The following MUSK variants were observed in gnomAD, a reference collection of about 807,000 sequenced individuals.
MUSK encodes muscle, skeletal receptor tyrosine-protein kinase.
Under a neutral mutation model 88.7 loss-of-function variants are expected in MUSK, and 55 were observed. The ratio of observed to expected loss-of-function variants is 0.62; its 90% CI spans 0.50 to 0.78. The LOEUF (loss-of-function observed/expected upper bound fraction) is 0.78, where lower values mean the gene tolerates loss of function less well. MUSK is among the 30% of genes least tolerant of loss of function. The pLI is 0.00. For synonymous variants in MUSK, 387 were observed against 391.9 expected (o/e 0.99, Z 0.15); for missense variants, 1,015 against 1,074.3 (o/e 0.94, Z 0.77).
chr9:110,775,860 A>C lies in MUSK; in HGVS notation c.1257A>C (p.Arg419Ser), dbSNP rs550568354. The C allele has an allele frequency of 2.5e-6, 4 of 1,613,842 alleles. No individual in the cohort carries two copies. Among genetic ancestry groups the C allele is most frequent in the Non-Finnish European group, 3.4e-6 (4 of 1,179,856 alleles). ...TGGTAATGGAAGAGAAGACCCACAG[A>C]GGACTCTACAGATCCGAGATGCATT... Reference protein sequence around the residue: ...EWLVMEEKTHRGLYRSEMHLL... With the variant: ...EWLVMEEKTHSGLYRSEMHLL... The change falls in exon 10 of 15, where the codon AGA becomes AGC. Residue 419 changes from arginine (R) to serine (S), a missense_variant. Physicochemically the swap from Arg to Ser is moderately radical, Grantham distance 110 (BLOSUM62 -1). Transcript: ENST00000374448.
intron 5 of MUSK, among the ~76,000 whole-genome samples, chr9:110,706,471 G>A (rs2076600102): frequency 6.6e-6 from 1 of 152,022 alleles, no homozygotes; most frequent in South Asian, 2.1e-4. Context: ...ATGGTGTGTA[G>A]CCAAAGAGTG....
At chr9:110,691,660 C>T (rs1212256375) in intron 3 of MUSK, among the ~76,000 whole-genome samples, 3 of 152,176 alleles carry the variant, frequency 2.0e-5, no homozygotes, top group African/African-American at 7.2e-5. Flanking sequence ...ATCTTCTCTT[C>T]TCTGACATGC....
At chr9:110,761,872 CCCA>C in intron 7 of MUSK, 1 of 984,614 alleles carries the variant, frequency 1.0e-6, no homozygotes, top group Middle Eastern at 5.2e-4. Context: ...CCGCGCCCGG[CCCA>C]CATCTTGATT....
chr9:110,763,069 T>C (rs938251913), intron 8 of MUSK, among the ~76,000 whole-genome samples: 1 of 152,168 alleles, frequency 6.6e-6, no homozygotes, highest in Admixed American at 6.5e-5. Flanking sequence ...TAAAACATCA[T>C]GTGGTACACA....
chr9:110,709,685 A>G (rs934203175), intron 5 of MUSK, among the ~76,000 whole-genome samples: 1 of 152,234 alleles, frequency 6.6e-6, no homozygotes, highest in Non-Finnish European at 1.5e-5. Flanking sequence ...TCCATGTGTC[A>G]TCTTTATCTC....
intron 13 of MUSK, 48 bp downstream of exon 13, chr9:110,785,766 T>C: frequency 6.9e-7 from 1 of 1,455,762 alleles, no homozygotes; most frequent in Non-Finnish European, 9.3e-7. Flanking sequence ...ATGTTATGTC[T>C]GAAAAGCTAC....
chr9:110,682,429 G>A (rs1200886174), intron 1 of MUSK, among the ~76,000 whole-genome samples: 1 of 151,896 alleles, frequency 6.6e-6, no homozygotes, highest in Non-Finnish European at 1.5e-5. Flanking sequence ...ACTTGGATCT[G>A]CCTCTCCTCG....
chr9:110,776,546 T>C (rs1181392349), intron 10 of MUSK, 86 bp from the exon 11 acceptor site: 11 of 1,071,828 alleles, frequency 1.0e-5, no homozygotes, highest in Non-Finnish European at 2.8e-6. Flanking sequence ...AGAGAGAACT[T>C]GCATTTCTTA....
chr9:110,688,450 C>T (rs974922626), intron 3 of MUSK, among the ~76,000 whole-genome samples: 2 of 151,844 alleles, frequency 1.3e-5, no homozygotes, highest in Non-Finnish European at 2.9e-5. Flanking sequence ...AAGGTAGTTT[C>T]ATTTTATTTT....
intron 6 of MUSK, among the ~76,000 whole-genome samples, chr9:110,738,267 T>C (rs957386398): frequency 6.9e-6 from 1 of 145,056 alleles, no homozygotes; most frequent in Non-Finnish European, 1.6e-5. Context: ...GTATTTATCT[T>C]TTAGGATTTC....
chr9:110,781,151 A>C (rs917874763), intron 11 of MUSK, among the ~76,000 whole-genome samples: 4 of 152,214 alleles, frequency 2.6e-5, no homozygotes, highest in Admixed American at 6.5e-5. Context: ...TGCTTAGTTC[A>C]GATCTTGGTA....
intron 1 of MUSK, among the ~76,000 whole-genome samples, chr9:110,673,546 G>A (rs1480380941): frequency 6.6e-6 from 1 of 152,098 alleles, no homozygotes; most frequent in Non-Finnish European, 1.5e-5. Context: ...AATCTTATGG[G>A]AAGGTGTTAA....
chr9:110,671,192 C>T (rs1356097011), intron 1 of MUSK, among the ~76,000 whole-genome samples: 4 of 151,966 alleles, frequency 2.6e-5, no homozygotes, highest in African/African-American at 9.7e-5. Context: ...AGATGGTCTC[C>T]ATCTCTTGAC....
At chr9:110,754,249 T>C (rs558554151) in intron 7 of MUSK, among the ~76,000 whole-genome samples, 1 of 152,334 alleles carries the variant, frequency 6.6e-6, no homozygotes, top group Non-Finnish European at 1.5e-5. Context: ...AAGCATCCTT[T>C]TACAATCAGG....
At chr9:110,728,652 T>C (rs2076919830) in intron 5 of MUSK, 2 of 1,356,012 alleles carry the variant, frequency 1.5e-6, no homozygotes, top group Non-Finnish European at 2.1e-6. Flanking sequence ...TGCGTGTTTA[T>C]TGTGTGTGTT....
intron 3 of MUSK, 72 bp from the exon 4 acceptor site, chr9:110,695,331 T>C (rs1028016126): frequency 1.9e-6 from 2 of 1,078,514 alleles, no homozygotes; most frequent in African/African-American, 3.3e-5. Flanking sequence ...TAGAATTAAA[T>C]TGAAAGTTAG....
In MUSK at chr9:110,766,157, G is replaced by C. The variant is rs142459280; in HGVS notation, c.921-1663G>C. Among the ~76,000 whole-genome samples, 137 of 152,260 alleles carry C rather than the reference G, an allele frequency of 9.0e-4. 1 individual carries two copies. Among genetic ancestry groups the C allele is most frequent in the African/African-American group, 3.1e-3 (130 of 41,542 alleles). On this transcript the variant is annotated intron_variant, in intron 8 of 14. Transcript: ENST00000374448. ...TTTAGGTTTTATGGCTGGCCTTGAG[G>C]AAAAGGCGTTCTGGTGTCTGATCTG...
At chr9:110,768,932 G>A (rs143068673) in intron 9 of MUSK, among the ~76,000 whole-genome samples, 34 of 152,098 alleles carry the variant, frequency 2.2e-4, no homozygotes, top group African/African-American at 7.0e-4. Context: ...ATGTTCAATA[G>A]AATTATCTTC....
At chr9:110,790,995 T>C (rs904419800) in intron 14 of MUSK, among the ~76,000 whole-genome samples, 3 of 152,264 alleles carry the variant, frequency 2.0e-5, no homozygotes, top group African/African-American at 7.2e-5. Context: ...GGAGTGATTA[T>C]TATGATTGAT....
Sources: allele counts gnomAD v4.1 joint callset (sites outside exome capture counted in the v4.1 genomes callset), GRCh38; gene constraint gnomAD v4.1.1; transcripts MANE v1.5; gene names NCBI Gene and HGNC (gene_info 2026-07-23, HGNC 2026-07-21).